The following COL26A1 variants were observed in gnomAD, a reference collection of about 807,000 sequenced individuals.
The protein encoded by COL26A1 is collagen alpha-1(XXVI) chain.
In COL26A1, 41 loss-of-function variants were observed where a neutral mutation model predicts 59.3. The observed-to-expected ratio is 0.69, with a 90% CI of 0.54 to 0.90. The LOEUF is 0.90. Among genes scored for constraint, COL26A1 ranks in the 40% least tolerant of loss-of-function variants. The pLI, the probability that COL26A1 is intolerant of heterozygous loss-of-function variation, is 0.00. For synonymous variants in COL26A1, 266 were observed against 256.0 expected, an observed-to-expected ratio of 1.04 and a Z score of -0.37; for missense variants, 612 against 602.3, an observed-to-expected ratio of 1.02 and a Z score of -0.17.
intron 3 of COL26A1, among the ~76,000 whole-genome samples, chr7:101,465,577 C>T (rs1004901201): frequency 1.5e-4 from 23 of 151,758 alleles, no homozygotes; most frequent in African/African-American, 5.6e-4. Flanking sequence ...GCCTGTAGTC[C>T]CAGCTACTGG....
At chr7:101,524,104 T>C (rs1312191297) in intron 3 of COL26A1, among the ~76,000 whole-genome samples, 1 of 151,966 alleles carries the variant, frequency 6.6e-6, no homozygotes, top group Non-Finnish European at 1.5e-5. Flanking sequence ...ACCCTGTCTC[T>C]ACTAAAAATA....
intron 1 of COL26A1, among the ~76,000 whole-genome samples, chr7:101,382,005 C>T (rs1172616916): frequency 6.6e-6 from 1 of 152,042 alleles, no homozygotes; most frequent in Non-Finnish European, 1.5e-5. Flanking sequence ...AGCTAAGGGT[C>T]ATTAGAGCAT....
chr7:101,469,608 G>C (rs1012210221), intron 3 of COL26A1, among the ~76,000 whole-genome samples: 4 of 151,796 alleles, frequency 2.6e-5, no homozygotes, highest in African/African-American at 9.7e-5. Flanking sequence ...TCCTGCATCA[G>C]CCTCCTGAGT....
At chr7:101,387,802 C>T (rs1341726812) in intron 1 of COL26A1, among the ~76,000 whole-genome samples, 1 of 120,634 alleles carries the variant, frequency 8.3e-6, no homozygotes, top group Admixed American at 9.5e-5. Flanking sequence ...CAGAGTCTCA[C>T]TGTGTCACCC....
chr7:101,553,758 G>A (rs546601134), intron 11 of COL26A1, among the ~76,000 whole-genome samples: 17 of 152,186 alleles, frequency 1.1e-4, no homozygotes, highest in African/African-American at 3.1e-4. Flanking sequence ...CGGCATGGGC[G>A]TGCTTACAAG....
intron 1 of COL26A1, among the ~76,000 whole-genome samples, chr7:101,405,448 C>T (rs1344308788): frequency 6.6e-6 from 1 of 152,020 alleles, no homozygotes; most frequent in East Asian, 1.9e-4. Context: ...GATCCTCCCA[C>T]CTCAGCTCCC....
At chr7:101,446,459 C>T (rs560083562) in intron 2 of COL26A1, among the ~76,000 whole-genome samples, 1 of 152,166 alleles carries the variant, frequency 6.6e-6, no homozygotes, top group East Asian at 1.9e-4. Flanking sequence ...AGAGGGATGG[C>T]GACTTGTGCA....
At chr7:101,461,288 CCCT>C (rs939722948) in intron 3 of COL26A1, among the ~76,000 whole-genome samples, 1 of 140,102 alleles carries the variant, frequency 7.1e-6, no homozygotes, top group Admixed American at 7.3e-5. Context: ...ACTGCACCTG[CCCT>C]CCTCCTCCTC....
rs547946238 is a variant in COL26A1 at position 101,399,386 on chromosome 7, C to T, written c.159-20591C>T. Among the ~76,000 whole-genome samples, 26 of 152,200 alleles carry T rather than the reference C, an allele frequency of 1.7e-4. No homozygotes were observed. The South Asian group carries it at 3.3e-3, about 19-fold the overall frequency. ...CTCTTCTTTCTTTCTTTCTGAAGCACGATCTCAGCTCACTGGAACCTCCAT... is the reference window on the plus strand; with the variant it reads ...CTCTTCTTTCTTTCTTTCTGAAGCATGATCTCAGCTCACTGGAACCTCCAT... On this transcript the variant is annotated intron_variant, in intron 1 of 12. Coordinates refer to ENST00000313669, the MANE Select transcript of COL26A1 (RefSeq NM_001278563.3).
intron 2 of COL26A1, among the ~76,000 whole-genome samples, chr7:101,435,169 A>G (rs1285573346): frequency 6.6e-6 from 1 of 152,180 alleles, no homozygotes; most frequent in Non-Finnish European, 1.5e-5. Flanking sequence ...TACTAGAAAT[A>G]CAAAAATTAG....
chr7:101,545,638 C>A, intron 7 of COL26A1, 148 bp downstream of exon 7: 1 of 768,162 alleles, frequency 1.3e-6, no homozygotes. Context: ...AGGCCTCCTC[C>A]AGGAAGCCCT....
chr7:101,458,339 T>C (rs1793526406), intron 3 of COL26A1, among the ~76,000 whole-genome samples: 2 of 152,126 alleles, frequency 1.3e-5, no homozygotes, highest in South Asian at 4.1e-4. Flanking sequence ...TCCTCACCTG[T>C]GAAATGGTAC....
intron 1 of COL26A1, among the ~76,000 whole-genome samples, chr7:101,366,688 G>A (rs1261315787): frequency 6.6e-6 from 1 of 151,712 alleles, no homozygotes; most frequent in Non-Finnish European, 1.5e-5. Flanking sequence ...TTTCATAGAG[G>A]TGGGGTCCTG....
intron 1 of COL26A1, among the ~76,000 whole-genome samples, chr7:101,368,480 G>C (rs1791102167): frequency 6.6e-6 from 1 of 152,162 alleles, no homozygotes; most frequent in African/African-American, 2.4e-5. Flanking sequence ...TGCAGAGCAG[G>C]GATACCCCAT....
At chr7:101,533,982 GTGTC>G (rs750513174) in intron 4 of COL26A1, among the ~76,000 whole-genome samples, 29 of 152,346 alleles carry the variant, frequency 1.9e-4, no homozygotes, top group Non-Finnish European at 3.4e-4. Context: ...GGCGCCAACA[GTGTC>G]TGCCCCGATG....
At chr7:101,487,712 C>G (rs555606869) in intron 3 of COL26A1, among the ~76,000 whole-genome samples, 1 of 152,264 alleles carries the variant, frequency 6.6e-6, no homozygotes, top group Admixed American at 6.5e-5. Context: ...AGTCCTCCAG[C>G]CAGCCCTGTG....
chr7:101,555,795 G>T lies in COL26A1; in HGVS notation c.1089G>T (p.Gly363=), dbSNP rs1331036301. ...GEKAATAEGE[G]VQQLREALKI... is the part of the protein sequence containing the mutation. The stretch of plus-strand genomic sequence containing the variant: ...TGTTTCCTCCCCGCCAGGGCGAGGG[G>T]GTGCAGCAGCTGAGAGAGGCCCTGA... Residue 363 remains glycine (G), a synonymous_variant, in exon 12 of 13, where the codon GGG becomes GGT. Coordinates refer to ENST00000313669, the MANE Select transcript of COL26A1 (RefSeq NM_001278563.3). 2 of 1,610,112 alleles carry T rather than the reference G, an allele frequency of 1.2e-6. No homozygotes were observed. The highest frequency in any genetic ancestry group is 2.2e-5 in the South Asian group (2 of 89,724).
intron 3 of COL26A1, among the ~76,000 whole-genome samples, chr7:101,528,529 C>T (rs1018138160): frequency 1.3e-5 from 2 of 151,540 alleles, no homozygotes; most frequent in African/African-American, 4.9e-5. Flanking sequence ...CTCCTCCCCT[C>T]CTCTCCCCTC....
chr7:101,464,388 C>G (rs1327961258), intron 3 of COL26A1, among the ~76,000 whole-genome samples: 1 of 150,068 alleles, frequency 6.7e-6, no homozygotes, highest in African/African-American at 2.5e-5. Flanking sequence ...GTGTGAGCCA[C>G]CAAGCCCAGC....
Sources: allele counts gnomAD v4.1 joint callset (sites outside exome capture counted in the v4.1 genomes callset), GRCh38; gene constraint gnomAD v4.1.1; transcripts MANE v1.5; gene names NCBI Gene and HGNC (gene_info 2026-07-23, HGNC 2026-07-21).